Variants in IRS1 observed in about 807,000 individuals in gnomAD.
IRS1 encodes the protein insulin receptor substrate 1.
IRS1 carries 34 observed loss-of-function variants against 65.6 expected under a neutral mutation model. The ratio of observed to expected loss-of-function variants is 0.52; its 90% CI spans 0.39 to 0.69. IRS1 has a LOEUF of 0.69. Ranked by LOEUF, IRS1 falls within the 30% of genes least tolerant of loss-of-function variation. The probability of loss-of-function intolerance (pLI) is 0.00; values close to 1 mark genes in which losing one functional copy is unlikely to be tolerated. For missense variants in IRS1, 1,641 were observed against 1,720.2 expected (o/e 0.95, Z 0.81); for synonymous variants, 699 against 683.5 (o/e 1.02, Z -0.35).
chr2:226,794,748 G>A lies in IRS1; in HGVS notation c.*21+241C>T, dbSNP rs1939674430. Among the ~76,000 whole-genome samples, 1 of 152,190 alleles carries A rather than the reference G, an allele frequency of 6.6e-6. No homozygotes were observed. The highest frequency in any genetic ancestry group is 1.5e-5 in the Non-Finnish European group (1 of 68,036). On this transcript the variant is annotated intron_variant, in intron 1 of 1. Transcript: ENST00000305123. The surrounding 1 kb of genome is among the most constrained non-coding windows in gnomAD (Gnocchi z 4.1). ...GGATATATGTTTTAAAAATACTGCA[G>A]TAACTACTTCACTTGGGAATTCTCA...
intron 1 of IRS1, among the ~76,000 whole-genome samples, chr2:226,771,475 C>G (rs1044242300): frequency 7.2e-5 from 11 of 152,114 alleles, no homozygotes; most frequent in African/African-American, 2.7e-4. Flanking sequence ...GAGCCATGAA[C>G]CACAGTTAGT....
chr2:226,739,189 C>A (rs17208470), intron 1 of IRS1, among the ~76,000 whole-genome samples: 11,052 of 152,292 alleles, frequency 0.073, 586 homozygotes, highest in Non-Finnish European at 0.1. Flanking sequence ...TAGCACACTA[C>A]TTTTCAAAGC....
chr2:226,795,542 G>T lies in IRS1; in HGVS notation c.3197C>A (p.Pro1066His), dbSNP rs891382490. 2.5e-6 allele frequency: 4 copies of T among 1,613,232 alleles called. No homozygotes were observed. The highest frequency in any genetic ancestry group is 2.5e-6 in the Non-Finnish European group (3 of 1,180,000). The change falls in exon 1 of 2, where the codon CCT becomes CAT. Residue 1066 changes from proline (P) to histidine (H), a missense_variant. Transcript: ENST00000305123. Reference protein sequence around the residue: ...HSSLLGGPQGPGGMSAFTRVN... With the variant: ...HSSLLGGPQGHGGMSAFTRVN... ...CCGGGTGAAGGCGCTCATGCCCCCA[G>T]GTCCTTGTGGGCCCCCCAGCAGGGA...
chr2:226,783,262 A>G (rs1939421319), intron 1 of IRS1, among the ~76,000 whole-genome samples: 1 of 152,232 alleles, frequency 6.6e-6, no homozygotes, highest in Non-Finnish European at 1.5e-5. Flanking sequence ...CCCACAAAGC[A>G]TGTAATATAA....
At chr2:226,756,788 C>T (rs764858085) in intron 1 of IRS1, among the ~76,000 whole-genome samples, 1 of 151,888 alleles carries the variant, frequency 6.6e-6, no homozygotes, top group Non-Finnish European at 1.5e-5. Flanking sequence ...ATGATGAAAC[C>T]CCGTCTCTAC....
At chr2:226,773,901 C>T (rs1483800982) in intron 1 of IRS1, among the ~76,000 whole-genome samples, 1 of 152,138 alleles carries the variant, frequency 6.6e-6, no homozygotes, top group African/African-American at 2.4e-5. Context: ...TGTTGAAAGA[C>T]TGTATAAATA....
At position 226,795,900 on chromosome 2, in the gene IRS1, C is replaced by T. The variant is rs1939710780; in HGVS notation, c.2839G>A (p.Gly947Arg). The stretch of plus-strand genomic sequence containing the variant: ...TGCCAGGCTGCCCTCCGGCCCGGCC[C>T]CAGGTCCATCTTCATGTACTCCTCA... The part of the protein sequence containing the change: ...GTEEYMKMDL[G>R]PGRRAAWQES... The change falls in exon 1 of 2, where the codon GGG becomes AGG. Residue 947 changes from glycine (G) to arginine (R), a missense_variant. Gly to Arg is a moderately radical substitution (Grantham distance 125). Transcript: ENST00000305123. 1 of 1,613,788 alleles carries T rather than the reference C, an allele frequency of 6.2e-7. No individual in the cohort carries two copies. The highest frequency in any genetic ancestry group is 1.1e-5 in the South Asian group (1 of 91,086).
rs199755602 is a variant in IRS1, at chr2:226,795,645, C to T, written c.3094G>A (p.Ala1032Thr). The change falls in exon 1 of 2, where the codon GCT becomes ACT. Residue 1032 changes from alanine to threonine, a missense_variant. By Grantham distance (58) the Ala-to-Thr change is moderately conservative. Coordinates refer to ENST00000305123, the MANE Select transcript of IRS1 (RefSeq NM_005544.3). ...EEVSLPRATM[A>T]AASSSSAASA... ...GCTGCTGAGGATGAGGAGGCAGCAG[C>T]CATGGTGGCCCTGGGCAGGCTCACC... is the stretch of plus-strand genomic sequence containing the variant. The T allele has an allele frequency of 1.5e-5, 24 of 1,612,896 alleles. No homozygotes were observed. In the Admixed American group the frequency reaches 1.8e-4, roughly 12 times the overall value.
rs1938283377 is a variant in IRS1, at chr2:226,734,237, G to T, written c.*2035C>A. 1.3e-5 allele frequency: 2 copies of T among 152,154 alleles called. No homozygotes were observed. The highest frequency in any genetic ancestry group is 6.5e-5 in the Admixed American group (1 of 15,268). The allele number at this position is 152,154 out of a possible 1,614,324, so 9.4% of individuals were successfully genotyped here. A position where few individuals can be genotyped will look rare whatever the true frequency, so the allele number is the denominator to read the frequency against. ...AGAGTAAAAAACAACTTTCATATCAGATTTTCAAAATGGGTAGTGCTCTCT... is the reference window on the plus strand; with the variant it reads ...AGAGTAAAAAACAACTTTCATATCATATTTTCAAAATGGGTAGTGCTCTCT... On this transcript the variant is annotated 3_prime_UTR_variant, in exon 2 of 2. Transcript: ENST00000305123.
At chr2:226,772,531 T>C (rs1327904489) in intron 1 of IRS1, among the ~76,000 whole-genome samples, 1 of 152,212 alleles carries the variant, frequency 6.6e-6, no homozygotes, top group African/African-American at 2.4e-5. Flanking sequence ...CCACACACAA[T>C]AGATATAGCT....
chr2:226,799,464 C>T lies in IRS1; in HGVS notation c.-726G>A. The T allele has an allele frequency of 1.5e-5, 18 of 1,191,840 alleles. No individual in the cohort carries two copies. Among genetic ancestry groups the T allele is most frequent in the Non-Finnish European group, 1.9e-5 (18 of 936,548 alleles). 73.8% of individuals were successfully genotyped at this position (1,191,840 alleles called of 1,614,324 possible). On this transcript the variant is annotated 5_prime_UTR_variant, in exon 1 of 2. The change abolishes an upstream ATG in the 5' untranslated region. Transcript: ENST00000305123. This position sits in a 1 kb window ranked among gnomAD's most constrained non-coding sequence, Gnocchi z 6.1. The stretch of plus-strand genomic sequence containing the variant: ...CGGCGGGTGGAGAAAGTGGCTTTTC[C>T]ATGCGAAACGATACCGGGCAGCCAC...
intron 1 of IRS1, among the ~76,000 whole-genome samples, chr2:226,790,416 G>A (rs939648851): frequency 6.6e-6 from 1 of 151,658 alleles, no homozygotes; most frequent in Non-Finnish European, 1.5e-5. Flanking sequence ...TTATTGAGGG[G>A]GAACTCAGAG....
intron 1 of IRS1, among the ~76,000 whole-genome samples, chr2:226,773,553 T>C (rs1422071403): frequency 1.3e-5 from 2 of 151,652 alleles, no homozygotes; most frequent in African/African-American, 4.8e-5. Context: ...GAAAAATCAA[T>C]GTCTGTGTTT....
chr2:226,765,741 A>C (rs1193701944), intron 1 of IRS1, among the ~76,000 whole-genome samples: 1 of 152,170 alleles, frequency 6.6e-6, no homozygotes, highest in Non-Finnish European at 1.5e-5. Flanking sequence ...CCACTTCCGT[A>C]AAAGAACTAT....
chr2:226,780,801 G>C (rs1939365838), intron 1 of IRS1, among the ~76,000 whole-genome samples: 1 of 152,086 alleles, frequency 6.6e-6, no homozygotes, highest in Non-Finnish European at 1.5e-5. Flanking sequence ...TGTTAAATCT[G>C]AATTTTTTAA....
chr2:226,790,549 C>G (rs938953161), intron 1 of IRS1, among the ~76,000 whole-genome samples: 1 of 152,202 alleles, frequency 6.6e-6, no homozygotes, highest in Admixed American at 6.5e-5. Flanking sequence ...CAGAGAAACT[C>G]TCTCCCACTG....
intron 1 of IRS1, among the ~76,000 whole-genome samples, chr2:226,779,019 C>T (rs1415172697): frequency 6.6e-6 from 1 of 152,200 alleles, no homozygotes; most frequent in East Asian, 1.9e-4. Context: ...GTTTTCTTCA[C>T]AGTTGTAATT....
At chr2:226,766,157 A>ATTTTTTT (rs1939040644) in intron 1 of IRS1, among the ~76,000 whole-genome samples, 26 of 5,772 alleles carry the variant, frequency 4.5e-3, no homozygotes, top group Non-Finnish European at 9.5e-3. Context: ...ATATATATAT[A>ATTTTTTT]TATATATTTT....
chr2:226,799,205 T>C lies in IRS1; in HGVS notation c.-467A>G. ...GGAAGCAGCGATTCCCGAGGCAAATTAAATATCCTTGGGCAGGGGGAGGCG... is the reference window on the plus strand; with the variant it reads ...GGAAGCAGCGATTCCCGAGGCAAATCAAATATCCTTGGGCAGGGGGAGGCG... On this transcript the variant is annotated 5_prime_UTR_variant, in exon 1 of 2. Transcript: ENST00000305123. This position sits in a 1 kb window ranked among gnomAD's most constrained non-coding sequence, Gnocchi z 6.1. 1 of 1,100,810 alleles carries C rather than the reference T, an allele frequency of 9.1e-7. No individual in the cohort carries two copies. The highest frequency in any genetic ancestry group is 4.8e-5 in the Admixed American group (1 of 20,668). The allele number at this position is 1,100,810 out of a possible 1,614,324, so 68.2% of individuals were successfully genotyped here.
Sources: gnomAD v4.1 joint callset for allele counts (sites outside exome capture counted in the v4.1 genomes callset) on GRCh38, gnomAD v4.1.1 for gene constraint, Gnocchi (gnomAD v3.1) non-coding constraint, MANE v1.5 for transcripts, NCBI Gene and HGNC (gene_info 2026-07-23, HGNC 2026-07-21) for gene names.